KLF8: variants seen among roughly 807,000 people sequenced by gnomAD.
KLF8 encodes Krueppel-like factor 8.
In KLF8, 10 loss-of-function variants were observed where a neutral mutation model predicts 18.2. The ratio of observed to expected loss-of-function variants is 0.55; its 90% CI spans 0.34 to 0.93. The LOEUF (loss-of-function observed/expected upper bound fraction) is 0.93. Among genes scored for constraint, KLF8 ranks in the 40% least tolerant of loss-of-function variants. The pLI is 0.02. For missense variants in KLF8, 264 were observed against 277.9 expected (o/e 0.95, Z 0.36); for synonymous variants, 109 against 97.3 (o/e 1.12, Z -0.71).
At chrX:56,068,722 A>AAGT in the KLF8 span, among the ~76,000 whole-genome samples, 1 of 111,425 alleles carries the variant, frequency 9.0e-6, no homozygotes, top group African/African-American at 3.3e-5. Context: ...AATGGTAGCC[A>AAGT]GGCAAGCAAT....
At chrX:56,169,379 G>A in the KLF8 span, among the ~76,000 whole-genome samples, 2 of 110,838 alleles carry the variant, frequency 1.8e-5, no homozygotes, top group South Asian at 7.7e-4. Flanking sequence ...AGGATAGAGC[G>A]GCAAGTTTGC....
chrX:56,007,275 G>A, the KLF8 span, among the ~76,000 whole-genome samples: 2 of 111,117 alleles, frequency 1.8e-5, no homozygotes, highest in Non-Finnish European at 1.9e-5. Flanking sequence ...GGTCTGTTGG[G>A]TCCCAGAGCA....
At chrX:56,141,172 G>A in the KLF8 span, among the ~76,000 whole-genome samples, 1 of 111,397 alleles carries the variant, frequency 9.0e-6, no homozygotes, top group African/African-American at 3.3e-5. Context: ...TCACCATTTT[G>A]CTCAAGTTGC....
chrX:56,211,598 T>C, the KLF8 span, among the ~76,000 whole-genome samples: 1 of 112,258 alleles, frequency 8.9e-6, no homozygotes, highest in Non-Finnish European at 1.9e-5. Flanking sequence ...CAGCCAGGCC[T>C]GTGTCCTTTC....
At chrX:56,027,168 C>T in the KLF8 span, among the ~76,000 whole-genome samples, 1 of 112,397 alleles carries the variant, frequency 8.9e-6, no homozygotes, top group Non-Finnish European at 1.9e-5. Context: ...ATTTTGTCCT[C>T]TTTCTGCCTG....
At chrX:56,009,181 G>A in the KLF8 span, among the ~76,000 whole-genome samples, 3 of 111,042 alleles carry the variant, frequency 2.7e-5, no homozygotes, top group African/African-American at 9.8e-5. Context: ...TCTTATACAG[G>A]AGTGTTCCTG....
rs952616486 is a variant in KLF8 at position 56,290,066 on chromosome X, A to G, written c.*5572A>G. Among the ~76,000 whole-genome samples, 1 of 111,826 alleles carries G rather than the reference A, an allele frequency of 8.9e-6. No homozygotes were observed. The highest frequency in any genetic ancestry group is 1.9e-5 in the Non-Finnish European group (1 of 53,104). ...GAACTGGGTGGGCCAAATTTAAATA[A>G]ACACATAGCACTATCTTTTCTCACT... On this transcript the variant is annotated 3_prime_UTR_variant, in exon 6 of 6. Transcript: ENST00000468660.
At chrX:56,112,104 C>A in the KLF8 span, among the ~76,000 whole-genome samples, 2 of 111,581 alleles carry the variant, frequency 1.8e-5, no homozygotes, top group African/African-American at 6.5e-5. Context: ...AATGATAGAC[C>A]GGATTCAGAA....
the KLF8 span, among the ~76,000 whole-genome samples, chrX:56,080,322 G>C: frequency 9.0e-6 from 1 of 110,648 alleles, no homozygotes; most frequent in South Asian, 3.9e-4. Context: ...CTTCCTTCAG[G>C]AGCTCTTGCA....
At position 56,284,538 on chromosome X, in the gene KLF8, G is replaced by A. The variant is rs775085920; in HGVS notation, c.*44G>A. On this transcript the variant is annotated 3_prime_UTR_variant, in exon 6 of 6. Coordinates refer to ENST00000468660, the MANE Select transcript of KLF8 (RefSeq NM_007250.5). ...GAGAAGCTGCGCTGGTATCTTTCCTGGTCGTGTGCTGAGGTTGGGACAATT... is the reference window on the plus strand; with the variant it reads ...GAGAAGCTGCGCTGGTATCTTTCCTAGTCGTGTGCTGAGGTTGGGACAATT... 4 of 1,044,796 alleles carry A rather than the reference G, an allele frequency of 3.8e-6. No individual in the cohort carries two copies. The South Asian group carries it at 8.7e-5, about 23-fold the overall frequency. The allele number at this position is 1,044,796 out of a possible 1,213,427, so 86.1% of individuals were successfully genotyped here. A position where few individuals can be genotyped will look rare whatever the true frequency, so the allele number is the denominator to read the frequency against.
At chrX:56,057,988 C>T in the KLF8 span, among the ~76,000 whole-genome samples, 1 of 105,116 alleles carries the variant, frequency 9.5e-6, no homozygotes, top group Non-Finnish European at 1.9e-5. Flanking sequence ...CATTTGAACT[C>T]ATGCATTCTT....
At chrX:56,147,323 G>A in the KLF8 span, among the ~76,000 whole-genome samples, 1 of 111,705 alleles carries the variant, frequency 9.0e-6, no homozygotes, top group Admixed American at 9.5e-5. Context: ...GAATTTCTGG[G>A]AAAGATTGAT....
the KLF8 span, among the ~76,000 whole-genome samples, chrX:56,203,846 C>G: frequency 1.6e-4 from 18 of 111,332 alleles, no homozygotes; most frequent in Non-Finnish European, 7.5e-5. Flanking sequence ...AATTTGAAGT[C>G]AGGTAATGTG....
upstream of KLF8, among the ~76,000 whole-genome samples, chrX:56,230,629 TA>T (rs1187686442): frequency 8.9e-6 from 1 of 111,809 alleles, no homozygotes; most frequent in East Asian, 2.8e-4. Context: ...TCCACATCTG[TA>T]AAATGGGGAT....
the KLF8 span, among the ~76,000 whole-genome samples, chrX:55,964,490 T>C: frequency 9.0e-6 from 1 of 111,369 alleles, no homozygotes; most frequent in Non-Finnish European, 1.9e-5. Flanking sequence ...AGTGGAAGAA[T>C]TGGTGGAGCC....
At chrX:56,128,926 G>A in the KLF8 span, among the ~76,000 whole-genome samples, 18 of 108,467 alleles carry the variant, frequency 1.7e-4, no homozygotes, top group Non-Finnish European at 3.3e-4. Flanking sequence ...GTGAACACAT[G>A]AAAATTGAGT....
the KLF8 span, among the ~76,000 whole-genome samples, chrX:56,024,377 T>G: frequency 9.0e-6 from 1 of 110,619 alleles, no homozygotes; most frequent in Non-Finnish European, 1.9e-5. Flanking sequence ...TGGACTAATT[T>G]TTGTATTTTT....
At chrX:56,205,626 A>T in the KLF8 span, among the ~76,000 whole-genome samples, 1 of 111,881 alleles carries the variant, frequency 8.9e-6, no homozygotes, top group African/African-American at 3.2e-5. Flanking sequence ...ATTTTTTTAT[A>T]TGTCTTTGTC....
intron 5 of KLF8, among the ~76,000 whole-genome samples, chrX:56,274,386 G>T (rs2067095591): frequency 9.0e-6 from 1 of 111,295 alleles, no homozygotes; most frequent in Non-Finnish European, 1.9e-5. Flanking sequence ...AGAGTTTTTT[G>T]AACTCTTTGT....
Sources: allele counts gnomAD v4.1 joint callset (sites outside exome capture counted in the v4.1 genomes callset), GRCh38; gene constraint gnomAD v4.1.1; transcripts MANE v1.5; gene names NCBI Gene and HGNC (gene_info 2026-07-23, HGNC 2026-07-21).